CAPN7: variants seen among roughly 807,000 people sequenced by gnomAD.
The protein encoded by CAPN7 is calpain 7.
In CAPN7, 72 loss-of-function variants were observed where a neutral mutation model predicts 115.2. That is an observed-to-expected ratio of 0.63 (90% CI 0.52 to 0.76). The LOEUF (loss-of-function observed/expected upper bound fraction) is 0.76, where lower values mean the gene tolerates loss of function less well. CAPN7 is among the 30% of genes least tolerant of loss of function. CAPN7 has a pLI of 0.00. For missense variants in CAPN7, 905 were observed against 971.5 expected, an observed-to-expected ratio of 0.93 and a Z score of 0.91; for synonymous variants, 344 against 322.3, an observed-to-expected ratio of 1.07 and a Z score of -0.72.
At chr3:15,210,660 T>G in intron 1 of CAPN7, 1 of 395,718 alleles carries the variant, frequency 2.5e-6, no homozygotes, top group Non-Finnish European at 4.6e-6. Context: ...AGTGGCCCGA[T>G]CACAGCTCAC....
chr3:15,245,711 T>C (rs777266863), intron 17 of CAPN7, 40 bp downstream of exon 17: 9 of 1,577,784 alleles, frequency 5.7e-6, no homozygotes, highest in Non-Finnish European at 6.9e-6. Context: ...CACAGTAATA[T>C]AAAGTATGTA....
At chr3:15,218,732 G>A (rs905990632) in intron 4 of CAPN7, among the ~76,000 whole-genome samples, 192 bp downstream of exon 4, 3 of 152,146 alleles carry the variant, frequency 2.0e-5, no homozygotes, top group African/African-American at 7.2e-5. Context: ...TCAAGAAATA[G>A]CAAATCAATA....
At chr3:15,210,617 C>T (rs2044884133) in intron 1 of CAPN7, among the ~76,000 whole-genome samples, 1 of 66,522 alleles carries the variant, frequency 1.5e-5, no homozygotes, top group Admixed American at 1.6e-4. Context: ...TTTTTTTGGA[C>T]AGTATCTTAC....
At chr3:15,213,990 C>T (rs956358686) in intron 2 of CAPN7, among the ~76,000 whole-genome samples, 3 of 151,898 alleles carry the variant, frequency 2.0e-5, no homozygotes, top group Admixed American at 2.0e-4. Flanking sequence ...ACGCCATTCT[C>T]CTGCGTCAGC....
At chr3:15,240,182 A>G (rs1006379435) in intron 12 of CAPN7, among the ~76,000 whole-genome samples, 2 of 152,228 alleles carry the variant, frequency 1.3e-5, no homozygotes, top group Admixed American at 6.5e-5. Flanking sequence ...ACCTGTGGTC[A>G]TTTAACATTT....
Position 15,220,892 on chromosome 3 carries a change from C to T in CAPN7, c.549C>T (p.Pro183=). Residue 183 remains proline (P), a synonymous_variant, in exon 5 of 21, where the codon CCC becomes CCT. Coordinates refer to ENST00000253693, the MANE Select transcript of CAPN7 (RefSeq NM_014296.3). ...CACATTTTCCACTGGGCGCTAATCC[C>T]TTCCTTGAAAGACCTCAGTCATTTA... The part of the protein sequence containing the change: ...VRAHFPLGAN[P]FLERPQSFIS... The T allele has an allele frequency of 3.1e-6, 5 of 1,614,184 alleles. No homozygotes were observed. Among genetic ancestry groups the T allele is most frequent in the Non-Finnish European group, 4.2e-6 (5 of 1,180,026 alleles).
Position 15,217,714 on chromosome 3 carries a change from A to T in CAPN7, c.369+132A>T, listed in dbSNP as rs914549246. The T allele has an allele frequency of 1.6e-5, 10 of 625,488 alleles. No homozygotes were observed. The East Asian group carries it at 3.1e-4, about 20-fold the overall frequency. The allele number at this position is 625,488 out of a possible 1,614,324, so 38.7% of individuals were successfully genotyped here. A position where few individuals can be genotyped will look rare whatever the true frequency, so the allele number is the denominator to read the frequency against. Reference sequence around the variant, plus strand: ...AAAAATTATTTTAAATGTAACAACTACTCCTCAATATAAGATGATGAGTAG... The same window carrying T: ...AAAAATTATTTTAAATGTAACAACTTCTCCTCAATATAAGATGATGAGTAG... On this transcript the variant is annotated intron_variant, in intron 3 of 20. Coordinates refer to ENST00000253693, the MANE Select transcript of CAPN7 (RefSeq NM_014296.3).
intron 4 of CAPN7, among the ~76,000 whole-genome samples, chr3:15,220,454 G>A (rs887541238): frequency 1.3e-5 from 2 of 151,812 alleles, no homozygotes; most frequent in African/African-American, 4.8e-5. Context: ...TGTTATTTTT[G>A]ATGCAGTTGT....
At position 15,234,966 on chromosome 3, in the gene CAPN7, G is replaced by A. The variant is rs1694900767; in HGVS notation, c.1287-59G>A. 4 of 1,493,864 alleles carry A rather than the reference G, an allele frequency of 2.7e-6. No homozygotes were observed. The East Asian group carries it at 9.2e-5, about 34-fold the overall frequency. The allele number at this position is 1,493,864 out of a possible 1,614,324, so 92.5% of individuals were successfully genotyped here. On this transcript the variant is annotated intron_variant, in intron 11 of 20. Coordinates refer to ENST00000253693, the MANE Select transcript of CAPN7 (RefSeq NM_014296.3). The stretch of plus-strand genomic sequence containing the variant: ...CCATTAGACTAAAAGATAAAATGGT[G>A]TGATCTTAGATTACAAATGTGTTTT...
chr3:15,221,094 C>G, intron 5 of CAPN7, 113 bp downstream of exon 5: 1 of 768,808 alleles, frequency 1.3e-6, no homozygotes, highest in Non-Finnish European at 2.2e-6. Flanking sequence ...GTGTATTGTG[C>G]TGTTATTATG....
At chr3:15,227,644 T>A (rs989674385) in intron 6 of CAPN7, among the ~76,000 whole-genome samples, 195 bp from the exon 7 acceptor site, 1 of 152,122 alleles carries the variant, frequency 6.6e-6, no homozygotes, top group Non-Finnish European at 1.5e-5. Context: ...TATTTAGGTA[T>A]ATTTTTTAAT....
At position 15,251,449 on chromosome 3, in the gene CAPN7, A is replaced by G. The variant is rs1387434246; in HGVS notation, c.*189A>G. On this transcript the variant is annotated 3_prime_UTR_variant, in exon 21 of 21. Coordinates refer to ENST00000253693, the MANE Select transcript of CAPN7 (RefSeq NM_014296.3). ...GTATATAGTCAGAATTACCTAAATC[A>G]CCTAGAGGTACCGTTTACATGGTTT... 2.1e-6 allele frequency: 1 copy of G among 468,860 alleles called. No individual in the cohort carries two copies. Among genetic ancestry groups the G allele is most frequent in the African/African-American group, 2.0e-5 (1 of 49,972 alleles). 29.0% of individuals were successfully genotyped at this position (468,860 alleles called of 1,614,324 possible).
intron 6 of CAPN7, 136 bp from the exon 7 acceptor site, chr3:15,227,703 C>T (rs1379829240): frequency 1.2e-5 from 5 of 427,518 alleles, no homozygotes; most frequent in Non-Finnish European, 2.0e-5. Context: ...CCAGATTTGA[C>T]CAGAAGGTTA....
chr3:15,246,798 AG>A lies in CAPN7; in HGVS notation c.2073+5del. The A allele has an allele frequency of 6.3e-7, 1 of 1,590,530 alleles. No homozygotes were observed. Among genetic ancestry groups the A allele is most frequent in the Non-Finnish European group, 8.6e-7 (1 of 1,164,314 alleles). On this transcript the variant is annotated splice_donor_5th_base_variant and intron_variant, in intron 18 of 20. Transcript: ENST00000253693. ...ACCATACACCTTATCAAAACGGGTG[AG>A]AAAATTCATTTGGTTGTAATCTCAG...
chr3:15,231,143 C>T (rs769220089), intron 9 of CAPN7, among the ~76,000 whole-genome samples: 3 of 152,146 alleles, frequency 2.0e-5, no homozygotes, highest in Non-Finnish European at 4.4e-5. Flanking sequence ...CTGCGTTTCA[C>T]CTAGATCCCC....
chr3:15,220,772 C>A lies in CAPN7; in HGVS notation c.438-9C>A. 6 of 1,613,642 alleles carry A rather than the reference C, an allele frequency of 3.7e-6. No homozygotes were observed. Among genetic ancestry groups the A allele is most frequent in the Non-Finnish European group, 5.1e-6 (6 of 1,179,590 alleles). ...AACTAGAACAGTTGTTTGTTCCTCTCTGTTATAGAGCAGAAGCGCTGAGTG... is the reference window on the plus strand; with the variant it reads ...AACTAGAACAGTTGTTTGTTCCTCTATGTTATAGAGCAGAAGCGCTGAGTG... On this transcript the variant is annotated splice_polypyrimidine_tract_variant and intron_variant, in intron 4 of 20. Transcript: ENST00000253693.
chr3:15,232,559 A>C lies in CAPN7; in HGVS notation c.1073A>C (p.Glu358Ala). Residue 358 changes from glutamate to alanine, a missense_variant, in exon 10 of 21, where the codon GAA (glutamate) becomes GCA (alanine). Coordinates refer to ENST00000253693, the MANE Select transcript of CAPN7 (RefSeq NM_014296.3). ...DDQLPVDHKGELLCSYSNNKS... is the reference protein window; with the variant it reads ...DDQLPVDHKGALLCSYSNNKS... The stretch of plus-strand genomic sequence containing the variant: ...CAGTTACCTGTTGATCACAAGGGAG[A>C]ATTGCTCTGTTCTTATTCCAACAAC... 6.2e-7 allele frequency: 1 copy of C among 1,612,318 alleles called. No homozygotes were observed. Among genetic ancestry groups the C allele is most frequent in the Non-Finnish European group, 8.5e-7 (1 of 1,179,204 alleles).
chr3:15,242,729 T>C (rs1695422408), intron 16 of CAPN7, among the ~76,000 whole-genome samples: 1 of 152,212 alleles, frequency 6.6e-6, no homozygotes, highest in Non-Finnish European at 1.5e-5. Flanking sequence ...CTCTCAAGAA[T>C]CTCTCCTCCT....
chr3:15,215,311 C>G (rs1315952169), intron 2 of CAPN7, among the ~76,000 whole-genome samples: 1 of 152,176 alleles, frequency 6.6e-6, no homozygotes, highest in Non-Finnish European at 1.5e-5. Flanking sequence ...CTAACAAAAT[C>G]TCAGACTTTT....
Sources: allele counts gnomAD v4.1 joint callset (sites outside exome capture counted in the v4.1 genomes callset), GRCh38; gene constraint gnomAD v4.1.1; transcripts MANE v1.5; gene names NCBI Gene and HGNC (gene_info 2026-07-23, HGNC 2026-07-21).